Variants in FGF14 observed in about 807,000 individuals in gnomAD.
The protein encoded by FGF14 is fibroblast growth factor homologous factor 4.
In FGF14, 5 loss-of-function variants were observed where a neutral mutation model predicts 25.5. That is an observed-to-expected ratio of 0.20 (90% CI 0.10 to 0.41). The LOEUF is 0.41. Ranked by LOEUF, FGF14 falls within the 10% of genes least tolerant of loss-of-function variation. The probability of loss-of-function intolerance (pLI) is 1.00; values close to 1 mark genes in which losing one functional copy is unlikely to be tolerated. For synonymous variants in FGF14, 138 were observed against 118.3 expected (o/e 1.17, Z -1.08); for missense variants, 222 against 320.1 (o/e 0.69, Z 2.34).
At chr13:101,917,308 C>T (rs2033629981), upstream of FGF14, among the ~76,000 whole-genome samples, 1 of 152,098 alleles carries the variant, frequency 6.6e-6, no homozygotes, top group South Asian at 2.1e-4. Context: ...ACCCCCTCCA[C>T]CTATGTGGTC....
chr13:102,219,859 G>T (rs1278468093), intron 1 of FGF14, among the ~76,000 whole-genome samples: 1 of 152,128 alleles, frequency 6.6e-6, no homozygotes, highest in Non-Finnish European at 1.5e-5. Flanking sequence ...GTATTTTATA[G>T]TGCGGTTATG....
intron 1 of FGF14, among the ~76,000 whole-genome samples, chr13:102,221,982 G>A (rs1008655298): frequency 1.3e-4 from 20 of 152,080 alleles, no homozygotes; most frequent in Non-Finnish European, 2.9e-5. Flanking sequence ...AAATGATTAG[G>A]AGTCAGAAAT....
chr13:101,841,149 A>T (rs951333851), intron 3 of FGF14, among the ~76,000 whole-genome samples: 8 of 151,818 alleles, frequency 5.3e-5, no homozygotes, highest in Admixed American at 3.3e-4. Flanking sequence ...CCTTTGATTT[A>T]AAAAAAACTT....
At chr13:101,994,937 T>TATACATTATATGGCTAATAATTATGCA (rs2039101018) in intron 1 of FGF14, among the ~76,000 whole-genome samples, 1 of 152,230 alleles carries the variant, frequency 6.6e-6, no homozygotes, top group African/African-American at 2.4e-5. Flanking sequence ...CATATTACAT[T>TATACATTATATGGCTAATAATTATGCA]ATACATTATA....
At chr13:101,796,632 AAG>A (rs1226062831) in intron 3 of FGF14, among the ~76,000 whole-genome samples, 1 of 152,048 alleles carries the variant, frequency 6.6e-6, no homozygotes, top group Non-Finnish European at 1.5e-5. Context: ...TCCTTATAAA[AAG>A]AGGAGATTTG....
chr13:102,357,331 G>A (rs939991037), intron 1 of FGF14, among the ~76,000 whole-genome samples: 3 of 152,014 alleles, frequency 2.0e-5, no homozygotes, highest in South Asian at 2.1e-4. Flanking sequence ...CTGAAGTGGG[G>A]CCCAGAGGTC....
intron 3 of FGF14, among the ~76,000 whole-genome samples, chr13:101,845,752 G>A (rs934527452): frequency 2.0e-5 from 3 of 152,006 alleles, no homozygotes; most frequent in African/African-American, 4.8e-5. Context: ...AACAGGAAAA[G>A]TCATTCTTTG....
At chr13:101,929,269 C>T (rs184701311) in intron 1 of FGF14, among the ~76,000 whole-genome samples, 2 of 152,244 alleles carry the variant, frequency 1.3e-5, no homozygotes, top group East Asian at 3.9e-4. Context: ...CTCATGGAAA[C>T]AGTAACACCT....
Position 101,713,241 on chromosome 13 carries a change from T to C in FGF14, c.*9590A>G, listed in dbSNP as rs2034560404. ...TGAACCTGAATCCTTTCATGATATC[T>C]GTGATGACCACAACTCCTTTTTCCT... On this transcript the variant is annotated 3_prime_UTR_variant, in exon 5 of 5. Transcript: ENST00000376143. The C allele has an allele frequency of 6.6e-6, 1 of 152,232 alleles. No homozygotes were observed. Among genetic ancestry groups the C allele is most frequent in the Non-Finnish European group, 1.5e-5 (1 of 68,032 alleles). The allele number at this position is 152,232 out of a possible 1,614,324, so 9.4% of individuals were successfully genotyped here.
chr13:102,047,494 C>G (rs2042036845), intron 1 of FGF14, among the ~76,000 whole-genome samples: 1 of 152,096 alleles, frequency 6.6e-6, no homozygotes, highest in Non-Finnish European at 1.5e-5. Context: ...GAATACTATG[C>G]AGCCATAAAA....
chr13:102,265,077 T>G (rs1385467215), intron 1 of FGF14, among the ~76,000 whole-genome samples: 1 of 152,168 alleles, frequency 6.6e-6, no homozygotes, highest in African/African-American at 2.4e-5. Context: ...TAAAAGAAAT[T>G]CAATTCATAA....
intron 1 of FGF14, among the ~76,000 whole-genome samples, chr13:102,388,946 C>G (rs892071073): frequency 1.3e-5 from 2 of 152,180 alleles, no homozygotes; most frequent in African/African-American, 4.8e-5. Flanking sequence ...CATTAACTTC[C>G]CATAACTCCC....
intron 1 of FGF14, among the ~76,000 whole-genome samples, chr13:102,326,671 AAG>A (rs2056438514): frequency 1.6e-5 from 1 of 60,628 alleles, no homozygotes; most frequent in Non-Finnish European, 3.1e-5. Context: ...AAGGGAGGGG[AAG>A]GGAAGGGAAG....
intron 3 of FGF14, among the ~76,000 whole-genome samples, chr13:101,744,707 T>C (rs1371453859): frequency 2.6e-5 from 4 of 152,110 alleles, no homozygotes; most frequent in Admixed American, 2.0e-4. Flanking sequence ...CATTGTATAC[T>C]TGTAAGATCT....
intron 1 of FGF14, among the ~76,000 whole-genome samples, chr13:102,194,503 C>T (rs1427045323): frequency 1.3e-5 from 2 of 151,924 alleles, no homozygotes; most frequent in African/African-American, 4.8e-5. Flanking sequence ...TTTTACTTGG[C>T]AGAATAAATA....
intron 3 of FGF14, among the ~76,000 whole-genome samples, chr13:101,844,770 T>C (rs1594454505): frequency 1.3e-5 from 2 of 152,128 alleles, no homozygotes; most frequent in South Asian, 2.1e-4. Context: ...GAAAAATTTC[T>C]GTGGGGGTAC....
intron 2 of FGF14, among the ~76,000 whole-genome samples, chr13:101,871,895 A>G (rs1280671237): frequency 1.3e-5 from 2 of 152,006 alleles, no homozygotes; most frequent in African/African-American, 4.8e-5. Flanking sequence ...CCCATCATCC[A>G]CAATTTTTGT....
intron 3 of FGF14, among the ~76,000 whole-genome samples, chr13:101,747,373 T>G (rs2036958052): frequency 6.6e-6 from 1 of 151,994 alleles, no homozygotes; most frequent in African/African-American, 2.4e-5. Context: ...CAAGGAAGTT[T>G]ACTGGGAAAT....
chr13:101,804,010 C>G (rs1412667592), intron 3 of FGF14, among the ~76,000 whole-genome samples: 2 of 150,758 alleles, frequency 1.3e-5, no homozygotes, highest in African/African-American at 4.9e-5. Flanking sequence ...GGCATAAGAT[C>G]AAGTTCGAAG....
Sources: gnomAD v4.1 joint callset for allele counts (sites outside exome capture counted in the v4.1 genomes callset) on GRCh38, gnomAD v4.1.1 for gene constraint, MANE v1.5 for transcripts, NCBI Gene and HGNC (gene_info 2026-07-23, HGNC 2026-07-21) for gene names.